The following C4orf17 variants were observed in gnomAD, a reference collection of about 807,000 sequenced individuals.
C4orf17 encodes the protein chromosome 4 open reading frame 17.
Under a neutral mutation model 32.0 loss-of-function variants are expected in C4orf17, and 25 were observed. The ratio of observed to expected loss-of-function variants is 0.78; its 90% CI spans 0.57 to 1.09. C4orf17 has a LOEUF of 1.09. Among genes scored for constraint, C4orf17 ranks in the 50% least tolerant of loss-of-function variants. The pLI is 0.00. For synonymous variants in C4orf17, 149 were observed against 145.8 expected (o/e 1.02, Z -0.16); for missense variants, 420 against 420.0 (o/e 1.00, Z 0.00).
At position 99,539,312 on chromosome 4, in the gene C4orf17, A is replaced by C; in HGVS notation, c.778A>C (p.Asn260His). ...KSPPTVKLPP[N>H]FTAKSKVLTR... The stretch of plus-strand genomic sequence containing the variant: ...ACCACCCACAGTTAAATTGCCCCCA[A>C]ATTTTACTGCAAAATCAAAAGTGCT... The change falls in exon 7 of 9, where the codon AAT (asparagine) becomes CAT (histidine). Residue 260 changes from asparagine (N) to histidine (H), a missense_variant. Asn to His is a moderately conservative substitution (Grantham distance 68, BLOSUM62 1). Coordinates refer to ENST00000326581, the MANE Select transcript of C4orf17 (RefSeq NM_032149.3). 6.2e-7 allele frequency: 1 copy of C among 1,614,056 alleles called. No homozygotes were observed. The highest frequency in any genetic ancestry group is 8.5e-7 in the Non-Finnish European group (1 of 1,179,932).
intron 2 of C4orf17, among the ~76,000 whole-genome samples, chr4:99,515,309 A>G (rs1247777827): frequency 2.6e-5 from 4 of 152,300 alleles, no homozygotes; most frequent in South Asian, 2.1e-4. Context: ...GTGCCCATCA[A>G]TGATAGGCCG....
At chr4:99,521,687 C>T (rs1723289181) in intron 2 of C4orf17, among the ~76,000 whole-genome samples, 1 of 152,130 alleles carries the variant, frequency 6.6e-6, no homozygotes, top group African/African-American at 2.4e-5. Context: ...AAAACACTAT[C>T]CAGAAGCTTG....
At chr4:99,530,683 T>C (rs1723464005) in intron 5 of C4orf17, among the ~76,000 whole-genome samples, 1 of 152,132 alleles carries the variant, frequency 6.6e-6, no homozygotes, top group Non-Finnish European at 1.5e-5. Context: ...CAGAGCATGT[T>C]GTAGAGATGG....
chr4:99,521,308 G>A (rs1246383393), intron 2 of C4orf17, among the ~76,000 whole-genome samples: 4 of 152,030 alleles, frequency 2.6e-5, no homozygotes, highest in Non-Finnish European at 5.9e-5. Flanking sequence ...GGGAGGGGGA[G>A]CACTGGCAGT....
At chr4:99,533,224 A>G (rs1269830952) in intron 5 of C4orf17, among the ~76,000 whole-genome samples, 1 of 152,216 alleles carries the variant, frequency 6.6e-6, no homozygotes, top group Non-Finnish European at 1.5e-5. Flanking sequence ...TTAGAACTGT[A>G]CTTTAGAAAT....
chr4:99,527,384 G>A (rs1384950594), intron 4 of C4orf17, among the ~76,000 whole-genome samples: 2 of 152,152 alleles, frequency 1.3e-5, no homozygotes, highest in East Asian at 1.9e-4. Context: ...TTGTTTGGTA[G>A]AACGCAATAT....
rs150637624 is a variant in C4orf17, at chr4:99,511,316, A to C, written c.-94+44A>C. On this transcript the variant is annotated intron_variant, in intron 1 of 8. Coordinates refer to ENST00000326581, the MANE Select transcript of C4orf17 (RefSeq NM_032149.3). ...CATTACAATAATGTTCTAAAATTTTAGGTATGATTTAGTTAATAGTCCTCA... is the reference window on the plus strand; with the variant it reads ...CATTACAATAATGTTCTAAAATTTTCGGTATGATTTAGTTAATAGTCCTCA... The C allele has an allele frequency of 1.1e-3, 166 of 152,260 alleles. 1 individual carries two copies. Among genetic ancestry groups the C allele is most frequent in the African/African-American group, 3.5e-3 (147 of 41,574 alleles). 9.4% of individuals were successfully genotyped at this position (152,260 alleles called of 1,614,324 possible).
intron 4 of C4orf17, 41 bp downstream of exon 4, chr4:99,524,626 T>C (rs751387103): frequency 1.6e-6 from 2 of 1,240,382 alleles, no homozygotes; most frequent in East Asian, 2.4e-5. Flanking sequence ...TAGTTTGACT[T>C]CTATAAGTTC....
At chr4:99,526,445 A>G (rs1031363194) in intron 4 of C4orf17, among the ~76,000 whole-genome samples, 1 of 152,134 alleles carries the variant, frequency 6.6e-6, no homozygotes, top group Non-Finnish European at 1.5e-5. Context: ...TAGTTTTCTT[A>G]TAAAGTCTTT....
intron 5 of C4orf17, among the ~76,000 whole-genome samples, chr4:99,533,400 G>A (rs1560590221): frequency 6.6e-6 from 1 of 152,118 alleles, no homozygotes. Flanking sequence ...TTCAGGTACT[G>A]GGCAACAGAC....
intron 4 of C4orf17, 132 bp downstream of exon 4, chr4:99,524,717 A>G (rs746640883): frequency 3.5e-6 from 2 of 573,852 alleles, no homozygotes; most frequent in South Asian, 2.5e-5. Flanking sequence ...TCTAATTAAC[A>G]TAATATAAGA....
chr4:99,528,460 C>T (rs1202720444), intron 4 of C4orf17, among the ~76,000 whole-genome samples: 2 of 152,134 alleles, frequency 1.3e-5, no homozygotes, highest in Non-Finnish European at 2.9e-5. Context: ...GCTTTAGCCA[C>T]TCTCACAATT....
At chr4:99,519,286 G>A (rs1345807404) in intron 2 of C4orf17, 1 of 152,264 alleles carries the variant, frequency 6.6e-6, no homozygotes, top group Non-Finnish European at 1.5e-5. Context: ...TTCCTAGAGA[G>A]GGACTCAGAA....
chr4:99,538,595 C>A (rs13131644), intron 6 of C4orf17, among the ~76,000 whole-genome samples: 13,913 of 152,094 alleles, frequency 0.091, 1,177 homozygotes, highest in African/African-American at 0.21. Flanking sequence ...AGTTACCTTC[C>A]AATTATTTTT....
At chr4:99,519,861 A>C (rs1037915864) in intron 2 of C4orf17, among the ~76,000 whole-genome samples, 6 of 152,130 alleles carry the variant, frequency 3.9e-5, no homozygotes, top group African/African-American at 1.4e-4. Flanking sequence ...AGTCCAGCTA[A>C]GCAGCACAGA....
chr4:99,511,590 T>C (rs891754512), intron 1 of C4orf17, among the ~76,000 whole-genome samples: 2 of 152,158 alleles, frequency 1.3e-5, no homozygotes, highest in African/African-American at 2.4e-5. Flanking sequence ...AATTAATCTG[T>C]GGTCACTTTG....
chr4:99,514,326 A>T (rs1002505183), intron 2 of C4orf17, among the ~76,000 whole-genome samples: 1 of 152,222 alleles, frequency 6.6e-6, no homozygotes, highest in Non-Finnish European at 1.5e-5. Flanking sequence ...CAACCTGCAG[A>T]GTGGGAGAAA....
At chr4:99,525,795 CAA>C (rs1324273486) in intron 4 of C4orf17, among the ~76,000 whole-genome samples, 1 of 117,774 alleles carries the variant, frequency 8.5e-6, no homozygotes, top group African/African-American at 3.1e-5. Context: ...GATTCCGTTT[CAA>C]AAAAAAAAAA....
chr4:99,511,862 G>A (rs973485160), intron 1 of C4orf17, among the ~76,000 whole-genome samples: 4 of 152,218 alleles, frequency 2.6e-5, no homozygotes, highest in South Asian at 4.1e-4. Context: ...TTGCTAGATA[G>A]ATATTTTCTG....
Sources: gnomAD v4.1 joint callset for allele counts (sites outside exome capture counted in the v4.1 genomes callset) on GRCh38, gnomAD v4.1.1 for gene constraint, MANE v1.5 for transcripts, NCBI Gene and HGNC (gene_info 2026-07-23, HGNC 2026-07-21) for gene names.